Variants in CDH12 observed in about 807,000 individuals in gnomAD.
CDH12 encodes cadherin-12.
Under a neutral mutation model 74.1 loss-of-function variants are expected in CDH12, and 41 were observed. That is an observed-to-expected ratio of 0.55 (90% CI 0.43 to 0.72). The LOEUF is 0.72. Among genes scored for constraint, CDH12 ranks in the 30% least tolerant of loss-of-function variants. The pLI is 0.00. For synonymous variants in CDH12, 399 were observed against 355.0 expected (o/e 1.12, Z -1.39); for missense variants, 945 against 977.2 (o/e 0.97, Z 0.44).
intron 3 of CDH12, among the ~76,000 whole-genome samples, chr5:22,310,441 T>C (rs1178912999): frequency 7.0e-6 from 1 of 143,674 alleles, no homozygotes; most frequent in African/African-American, 2.6e-5. Context: ...CCAGCCTGGG[T>C]GACAGAGTGA....
chr5:22,166,009 G>A (rs1485501705), intron 4 of CDH12, among the ~76,000 whole-genome samples: 2 of 152,146 alleles, frequency 1.3e-5, no homozygotes, highest in Admixed American at 1.3e-4. Flanking sequence ...TCTACTTATG[G>A]AGAAGCCATT....
chr5:22,081,457 T>C (rs1343003036), intron 4 of CDH12, among the ~76,000 whole-genome samples: 1 of 152,160 alleles, frequency 6.6e-6, no homozygotes, highest in Non-Finnish European at 1.5e-5. Context: ...ACCAATCCTA[T>C]TCCAAGCATA....
intron 8 of CDH12, among the ~76,000 whole-genome samples, chr5:21,822,003 G>A (rs1748394663): frequency 6.6e-6 from 1 of 151,922 alleles, no homozygotes; most frequent in South Asian, 2.1e-4. Flanking sequence ...TATTGTGTGA[G>A]TAAAAAGAAA....
chr5:21,880,808 A>G lies in CDH12; in HGVS notation c.527-26018T>C, dbSNP rs539094364. 2.2e-3 allele frequency among the ~76,000 whole-genome samples: 341 copies of G among 151,726 alleles called. 1 individual carries two copies. Among genetic ancestry groups the G allele is most frequent in the African/African-American group, 7.9e-3 (328 of 41,350 alleles). On this transcript the variant is annotated intron_variant, in intron 6 of 14. Coordinates refer to ENST00000382254, the MANE Select transcript of CDH12 (RefSeq NM_004061.5). The stretch of plus-strand genomic sequence containing the variant: ...AGAGTCCCAGTGCACCCCAGCTCTC[A>G]GTATTTTTGATCGTGAGAGAGAAAG...
intron 3 of CDH12, among the ~76,000 whole-genome samples, chr5:22,305,739 A>T (rs553548319): frequency 6.6e-6 from 1 of 152,220 alleles, no homozygotes; most frequent in South Asian, 2.1e-4. Context: ...GATTCACCAC[A>T]TTCTGCATCT....
intron 6 of CDH12, among the ~76,000 whole-genome samples, chr5:21,857,942 G>C (rs1348183697): frequency 6.6e-6 from 1 of 151,702 alleles, no homozygotes; most frequent in South Asian, 2.1e-4. Context: ...TTTCCTCTGT[G>C]CTCAGACAGA....
At chr5:22,155,126 T>A (rs1411104213) in intron 4 of CDH12, among the ~76,000 whole-genome samples, 1 of 152,144 alleles carries the variant, frequency 6.6e-6, no homozygotes, top group Non-Finnish European at 1.5e-5. Context: ...CACCTCAGAT[T>A]TCTCTGATTT....
intron 6 of CDH12, among the ~76,000 whole-genome samples, chr5:21,956,664 TTA>T (rs1278947910): frequency 6.6e-6 from 1 of 152,118 alleles, no homozygotes; most frequent in African/African-American, 2.4e-5. Context: ...GTTTCTTCTG[TTA>T]CTTCTATTTT....
At chr5:21,996,278 G>A (rs1736297728) in intron 5 of CDH12, among the ~76,000 whole-genome samples, 1 of 152,054 alleles carries the variant, frequency 6.6e-6, no homozygotes, top group Non-Finnish European at 1.5e-5. Context: ...CCAACCATAG[G>A]TAGCTCCTAA....
chr5:21,823,184 G>GA (rs937515667), intron 8 of CDH12, among the ~76,000 whole-genome samples: 2 of 151,920 alleles, frequency 1.3e-5, no homozygotes, highest in Non-Finnish European at 2.9e-5. Context: ...TAAAATAGCA[G>GA]AAAAAAACAC....
At chr5:22,605,122 G>A (rs1328167309) in intron 1 of CDH12, among the ~76,000 whole-genome samples, 2 of 152,128 alleles carry the variant, frequency 1.3e-5, no homozygotes, top group African/African-American at 4.8e-5. Context: ...TCAGTCAGTT[G>A]AAGGTCTGAA....
intron 3 of CDH12, among the ~76,000 whole-genome samples, chr5:22,227,062 T>C (rs1329564466): frequency 1.3e-5 from 2 of 152,140 alleles, no homozygotes; most frequent in Non-Finnish European, 2.9e-5. Flanking sequence ...TATTCCATTT[T>C]AATTTTTGGC....
chr5:22,152,609 C>T (rs1747670865), intron 4 of CDH12, among the ~76,000 whole-genome samples: 1 of 152,220 alleles, frequency 6.6e-6, no homozygotes. Context: ...TATTGGCTCA[C>T]ATATTTACTT....
chr5:22,194,572 T>G (rs1335138558), intron 4 of CDH12, among the ~76,000 whole-genome samples: 4 of 152,090 alleles, frequency 2.6e-5, no homozygotes, highest in Non-Finnish European at 5.9e-5. Context: ...TCTCAAGAGA[T>G]CCGCCCAGCT....
At chr5:22,434,928 A>G (rs1744316729) in intron 2 of CDH12, among the ~76,000 whole-genome samples, 1 of 152,104 alleles carries the variant, frequency 6.6e-6, no homozygotes, top group African/African-American at 2.4e-5. Flanking sequence ...GATCTAACTC[A>G]ACTTACTACA....
At chr5:22,741,767 A>C (rs1281321980) in intron 1 of CDH12, among the ~76,000 whole-genome samples, 1 of 152,218 alleles carries the variant, frequency 6.6e-6, no homozygotes, top group Non-Finnish European at 1.5e-5. Flanking sequence ...TCAGTGATAC[A>C]CTAATCTCTA....
intron 1 of CDH12, among the ~76,000 whole-genome samples, chr5:22,708,280 A>G (rs897853196): frequency 2.0e-5 from 3 of 152,218 alleles, no homozygotes; most frequent in Non-Finnish European, 4.4e-5. Context: ...TCCAACACAC[A>G]GGGTCCCTTT....
At chr5:22,354,814 G>A (rs1482731557) in intron 3 of CDH12, among the ~76,000 whole-genome samples, 2 of 152,084 alleles carry the variant, frequency 1.3e-5, no homozygotes, top group Non-Finnish European at 2.9e-5. Flanking sequence ...AAAATCCCAA[G>A]TAAAACAAAC....
chr5:22,522,366 C>A (rs2126687617), intron 1 of CDH12, among the ~76,000 whole-genome samples: 1 of 152,272 alleles, frequency 6.6e-6, no homozygotes, highest in South Asian at 2.1e-4. Context: ...GACTCCAAAG[C>A]CCATGCTCTG....
Sources: allele counts gnomAD v4.1 joint callset (sites outside exome capture counted in the v4.1 genomes callset), GRCh38; gene constraint gnomAD v4.1.1; transcripts MANE v1.5; gene names NCBI Gene and HGNC (gene_info 2026-07-23, HGNC 2026-07-21).